Variants in TENM2 observed in about 807,000 individuals in gnomAD.
The protein encoded by TENM2 is teneurin transmembrane protein 2.
Under a neutral mutation model 245.2 loss-of-function variants are expected in TENM2, and 52 were observed. That is an observed-to-expected ratio of 0.21 (90% CI 0.17 to 0.27). The LOEUF is 0.27. TENM2 is among the 10% of genes least tolerant of loss of function. The probability of loss-of-function intolerance (pLI) is 1.00; values close to 1 mark genes in which losing one functional copy is unlikely to be tolerated. For synonymous variants in TENM2, 1,363 were observed against 1,438.9 expected, an observed-to-expected ratio of 0.95 and a Z score of 1.19; for missense variants, 3,046 against 3,666.8, an observed-to-expected ratio of 0.83 and a Z score of 4.37.
intron 13 of TENM2, among the ~76,000 whole-genome samples, chr5:168,174,298 G>C (rs73377469): frequency 0.022 from 3,336 of 152,172 alleles, 138 homozygotes; most frequent in African/African-American, 0.075. Flanking sequence ...TTTGGGATTT[G>C]AGCTTCAGGT....
At chr5:168,027,415 G>A (rs904286996) in intron 5 of TENM2, among the ~76,000 whole-genome samples, 2 of 152,128 alleles carry the variant, frequency 1.3e-5, no homozygotes, top group African/African-American at 4.8e-5. Context: ...GATTTTTCAG[G>A]CATCATAGCT....
chr5:167,469,810 G>T, intron 2 of TENM2, among the ~76,000 whole-genome samples: 1 of 151,848 alleles, frequency 6.6e-6, no homozygotes, highest in East Asian at 1.9e-4. Flanking sequence ...AAATAATGGA[G>T]ACAGCATGGG....
intron 2 of TENM2, among the ~76,000 whole-genome samples, chr5:167,735,295 T>G (rs964420896): frequency 6.6e-6 from 1 of 152,236 alleles, no homozygotes; most frequent in African/African-American, 2.4e-5. Flanking sequence ...ATTTCTGCAT[T>G]TTTAAATAAA....
chr5:167,481,119 T>C (rs981821161), intron 2 of TENM2, among the ~76,000 whole-genome samples: 14 of 152,166 alleles, frequency 9.2e-5, no homozygotes, highest in African/African-American at 2.7e-4. Context: ...ATTAGAGACG[T>C]CATTTTATAT....
intron 2 of TENM2, among the ~76,000 whole-genome samples, chr5:167,611,837 A>G (rs910814908): frequency 5.9e-5 from 9 of 151,988 alleles, no homozygotes; most frequent in South Asian, 2.1e-4. Context: ...AATTCCATTC[A>G]TGAGGGCTTC....
chr5:167,366,285 G>A (rs1760049486), intron 1 of TENM2, among the ~76,000 whole-genome samples: 1 of 151,904 alleles, frequency 6.6e-6, no homozygotes, highest in African/African-American at 2.4e-5. Context: ...AAATGAAATG[G>A]GCACATTCCT....
the TENM2 span, among the ~76,000 whole-genome samples, chr5:167,191,580 G>T: frequency 6.6e-6 from 1 of 151,992 alleles, no homozygotes; most frequent in Non-Finnish European, 1.5e-5. Flanking sequence ...TGAAAGGCAT[G>T]CATATTAGAA....
intron 5 of TENM2, among the ~76,000 whole-genome samples, chr5:168,002,543 A>C (rs954432405): frequency 5.9e-5 from 9 of 152,208 alleles, no homozygotes; most frequent in African/African-American, 2.2e-4. Context: ...CCTTTGAATT[A>C]GATGCATCTT....
intron 2 of TENM2, among the ~76,000 whole-genome samples, chr5:167,470,835 T>G (rs1329811765): frequency 6.6e-6 from 1 of 152,144 alleles, no homozygotes. Context: ...AAACTGTTCA[T>G]TCTTTAAAAA....
At chr5:167,824,138 T>C (rs1489660483) in intron 2 of TENM2, among the ~76,000 whole-genome samples, 2 of 152,152 alleles carry the variant, frequency 1.3e-5, no homozygotes, top group Non-Finnish European at 2.9e-5. Flanking sequence ...ATGACCACCA[T>C]CCTAACCCAC....
At chr5:167,469,137 G>A (rs541585126) in intron 2 of TENM2, among the ~76,000 whole-genome samples, 2 of 152,224 alleles carry the variant, frequency 1.3e-5, no homozygotes, top group South Asian at 4.1e-4. Flanking sequence ...CAGATAAAAA[G>A]TAAAGTTTGT....
At chr5:168,196,757 C>T (rs1761464360) in intron 15 of TENM2, among the ~76,000 whole-genome samples, 1 of 152,372 alleles carries the variant, frequency 6.6e-6, no homozygotes, top group Admixed American at 6.5e-5. Flanking sequence ...CCACCGCCCC[C>T]AGGCCAGTGT....
chr5:167,636,022 C>CTTTTGT (rs1329969978), intron 2 of TENM2, among the ~76,000 whole-genome samples: 5 of 151,870 alleles, frequency 3.3e-5, no homozygotes, highest in Non-Finnish European at 7.4e-5. Context: ...TGTTGTTGTT[C>CTTTTGT]TTTTGTTTTT....
chr5:168,080,341 C>A (rs1055138225), intron 7 of TENM2, among the ~76,000 whole-genome samples: 35 of 152,076 alleles, frequency 2.3e-4, no homozygotes, highest in Non-Finnish European at 4.1e-4. Flanking sequence ...ATTAGTCTTG[C>A]TAGTGGTCTA....
intron 3 of TENM2, among the ~76,000 whole-genome samples, chr5:167,893,922 A>G (rs563348989): frequency 2.4e-4 from 36 of 152,296 alleles, no homozygotes; most frequent in African/African-American, 7.5e-4. Flanking sequence ...AAAATCATGC[A>G]TTTTATGTAG....
chr5:168,042,290 C>T (rs1213470714), intron 5 of TENM2, among the ~76,000 whole-genome samples: 1 of 152,116 alleles, frequency 6.6e-6, no homozygotes, highest in East Asian at 1.9e-4. Flanking sequence ...CGTTATGTAT[C>T]GACAAGTCTG....
At chr5:167,035,023 T>G in the TENM2 span, among the ~76,000 whole-genome samples, 3 of 152,142 alleles carry the variant, frequency 2.0e-5, no homozygotes, top group Non-Finnish European at 4.4e-5. Flanking sequence ...AACAATCAGT[T>G]TTTCATAGAC....
the TENM2 span, among the ~76,000 whole-genome samples, chr5:167,058,189 C>G: frequency 2.0e-5 from 3 of 152,086 alleles, no homozygotes; most frequent in Non-Finnish European, 4.4e-5. Context: ...TCAAGGCTCT[C>G]TACATGCCAG....
At chr5:167,546,615 G>T (rs1347949636) in intron 2 of TENM2, among the ~76,000 whole-genome samples, 2 of 152,164 alleles carry the variant, frequency 1.3e-5, no homozygotes, top group African/African-American at 4.8e-5. Flanking sequence ...GGAAAGAGAG[G>T]GTAGGATTGA....
Sources: allele counts gnomAD v4.1 joint callset (sites outside exome capture counted in the v4.1 genomes callset), GRCh38; gene constraint gnomAD v4.1.1; transcripts MANE v1.5; gene names NCBI Gene and HGNC (gene_info 2026-07-23, HGNC 2026-07-21).